Variants in LRRK2 observed in about 807,000 individuals in gnomAD.
LRRK2 encodes the protein leucine rich repeat kinase 2, also known as leucine-rich repeat serine/threonine-protein kinase 2.
In LRRK2, 203 loss-of-function variants were observed where a neutral mutation model predicts 302.6. The observed-to-expected ratio is 0.67, with a 90% CI of 0.60 to 0.75. The LOEUF is 0.75. Among genes scored for constraint, LRRK2 ranks in the 30% least tolerant of loss-of-function variants. LRRK2 has a pLI of 0.00. For synonymous variants in LRRK2, 1,066 were observed against 1,031.9 expected (o/e 1.03, Z -0.63); for missense variants, 2,830 against 2,951.0 (o/e 0.96, Z 0.95).
At chr12:40,246,792 T>G (rs1942005709) in intron 7 of LRRK2, among the ~76,000 whole-genome samples, 1 of 152,166 alleles carries the variant, frequency 6.6e-6, no homozygotes, top group Admixed American at 6.6e-5. Context: ...ACTGGTTTGT[T>G]GAATGCAGCG....
intron 26 of LRRK2, 97 bp from the exon 27 acceptor site, chr12:40,303,850 AC>A: frequency 8.6e-7 from 1 of 1,166,984 alleles, no homozygotes; most frequent in Non-Finnish European, 1.3e-6. Context: ...TTTTGACGTT[AC>A]ACTTTATTCT....
chr12:40,353,353 G>A (rs1407937922), intron 44 of LRRK2, among the ~76,000 whole-genome samples: 3 of 151,486 alleles, frequency 2.0e-5, no homozygotes, highest in African/African-American at 7.3e-5. Flanking sequence ...CAGGGTTGCG[G>A]CCGGGCATAG....
At chr12:40,264,879 A>G (rs1391146405) in intron 14 of LRRK2, among the ~76,000 whole-genome samples, 3 of 152,210 alleles carry the variant, frequency 2.0e-5, no homozygotes, top group Non-Finnish European at 4.4e-5. Context: ...AGTTTTGGAA[A>G]TTTTGCATAA....
At chr12:40,366,877 C>T (rs1318854986) in intron 49 of LRRK2, 129 bp from the exon 50 acceptor site, 2 of 667,912 alleles carry the variant, frequency 3.0e-6, no homozygotes, top group African/African-American at 3.7e-5. Flanking sequence ...GAAGGGTCAC[C>T]TAGAAAATAG....
Position 40,354,441 on chromosome 12 carries a change from A to G in LRRK2, c.6719A>G (p.Lys2240Arg). 6.2e-7 allele frequency: 1 copy of G among 1,614,152 alleles called. No individual in the cohort carries two copies. ...GGGAAAAAGAGACATACCCTAGAAA[A>G]GATGACTGATTCTGTCACTTGTTTG... ...EDGKKRHTLE[K>R]MTDSVTCLYC... The change falls in exon 45 of 51, where the codon AAG (lysine) becomes AGG (arginine). Residue 2240 changes from lysine (K) to arginine (R), a missense_variant. By Grantham distance (26) the Lys-to-Arg change is conservative. Transcript: ENST00000298910.
intron 47 of LRRK2, among the ~76,000 whole-genome samples, chr12:40,361,051 A>G (rs1377368889): frequency 2.0e-5 from 3 of 152,110 alleles, no homozygotes; most frequent in Non-Finnish European, 4.4e-5. Flanking sequence ...AGAAACCACT[A>G]GGTAGCTGAA....
At position 40,304,050 on chromosome 12, in the gene LRRK2, G is replaced by T. The variant is rs200221850; in HGVS notation, c.3693G>T (p.Gln1231His). 6.2e-7 allele frequency: 1 copy of T among 1,613,690 alleles called. No homozygotes were observed. The highest frequency in any genetic ancestry group is 1.1e-5 in the South Asian group (1 of 91,074). The change falls in exon 27 of 51, where the codon CAG becomes CAT. Residue 1231 changes from glutamine to histidine, a missense_variant. Around this residue, in one of 3 missense-constraint regions of LRRK2, gnomAD observed 2,121 missense variants for 2,148.0 expected, o/e 0.99. Transcript: ENST00000298910. The stretch of plus-strand genomic sequence containing the variant: ...GGGAACTCTTATTTAGCCATAATCA[G>T]ATCAGCATCTTGGACTTGAGTGAAA... ...NLRELLFSHN[Q>H]ISILDLSEKA... is the part of the protein sequence containing the mutation.
chr12:40,342,566 C>T (rs1378041406), intron 41 of LRRK2, among the ~76,000 whole-genome samples: 1 of 151,396 alleles, frequency 6.6e-6, no homozygotes, highest in Non-Finnish European at 1.5e-5. Flanking sequence ...TTATCTCAGC[C>T]CTAAACTCTG....
chr12:40,279,518 T>A (rs765743599), intron 18 of LRRK2, among the ~76,000 whole-genome samples: 1 of 152,168 alleles, frequency 6.6e-6, no homozygotes, highest in African/African-American at 2.4e-5. Context: ...ATTTTTACTG[T>A]GCATCTTTTG....
chr12:40,314,976 C>G (rs915656806), intron 32 of LRRK2, among the ~76,000 whole-genome samples: 1 of 152,000 alleles, frequency 6.6e-6, no homozygotes, highest in African/African-American at 2.4e-5. Flanking sequence ...CTCTGTAATG[C>G]ATGTCAGTGT....
intron 28 of LRRK2, 135 bp from the exon 29 acceptor site, chr12:40,308,332 C>T: frequency 1.5e-6 from 1 of 658,918 alleles, no homozygotes; most frequent in Non-Finnish European, 2.6e-6. Context: ...AAGACATGTA[C>T]ATTATTAGTT....
At chr12:40,252,522 A>G (rs1046803462) in intron 10 of LRRK2, among the ~76,000 whole-genome samples, 1 of 152,142 alleles carries the variant, frequency 6.6e-6, no homozygotes, top group African/African-American at 2.4e-5. Context: ...TAAAATAAAT[A>G]TATTATTAAA....
chr12:40,233,586 T>A (rs1941300343), intron 3 of LRRK2, among the ~76,000 whole-genome samples: 1 of 152,204 alleles, frequency 6.6e-6, no homozygotes, highest in Non-Finnish European at 1.5e-5. Flanking sequence ...TCTCTGTAAT[T>A]CTATGTATCA....
chr12:40,331,581 G>A (rs1945713210), intron 39 of LRRK2, among the ~76,000 whole-genome samples: 1 of 125,390 alleles, frequency 8.0e-6, no homozygotes, highest in Non-Finnish European at 1.7e-5. Context: ...GATAGCTGAT[G>A]AGCTTAAAAA....
At chr12:40,315,177 T>C (rs758441421) in intron 32 of LRRK2, 35 bp from the exon 33 acceptor site, 8 of 1,525,864 alleles carry the variant, frequency 5.2e-6, no homozygotes, top group Admixed American at 5.0e-5. Context: ...TGTTCTAGAT[T>C]CCATGTTTCA....
intron 5 of LRRK2, among the ~76,000 whole-genome samples, chr12:40,239,651 G>C (rs899370023): frequency 6.6e-6 from 1 of 151,996 alleles, no homozygotes; most frequent in African/African-American, 2.4e-5. Flanking sequence ...AGGACTCAGG[G>C]GTGACTATAA....
At chr12:40,279,471 T>C (rs1221598992) in intron 18 of LRRK2, among the ~76,000 whole-genome samples, 6 of 152,182 alleles carry the variant, frequency 3.9e-5, no homozygotes, top group Non-Finnish European at 7.4e-5. Flanking sequence ...TCCGCTTTAC[T>C]AAAGATAATT....
chr12:40,241,790 A>G (rs1360099216), intron 6 of LRRK2, among the ~76,000 whole-genome samples: 1 of 152,226 alleles, frequency 6.6e-6, no homozygotes, highest in Non-Finnish European at 1.5e-5. Flanking sequence ...TAGGCAGAGT[A>G]AAACCCAATG....
Position 40,243,534 on chromosome 12 carries a change from A to T in LRRK2, c.707-16A>T, listed in dbSNP as rs1295233022. On this transcript the variant is annotated splice_polypyrimidine_tract_variant and intron_variant, in intron 6 of 50. Coordinates refer to ENST00000298910, the MANE Select transcript of LRRK2 (RefSeq NM_198578.4). ...CATGGTTACCTTATTGATAATTATG[A>T]TCTCTTTAAATTCAGGCAATAATGT... 2 of 1,609,894 alleles carry T rather than the reference A, an allele frequency of 1.2e-6. No homozygotes were observed. Among genetic ancestry groups the T allele is most frequent in the Admixed American group, 1.7e-5 (1 of 59,882 alleles).
Sources: gnomAD v4.1 joint callset for allele counts (sites outside exome capture counted in the v4.1 genomes callset) on GRCh38, gnomAD v4.1.1 for gene constraint, gnomAD v4.1.1 regional missense constraint, MANE v1.5 for transcripts, NCBI Gene and HGNC (gene_info 2026-07-23, HGNC 2026-07-21) for gene names.